Variants in ITGA6 observed in about 807,000 individuals in gnomAD.
ITGA6 encodes the protein integrin subunit alpha 6, also known as integrin alpha-6.
In ITGA6, 63 loss-of-function variants were observed where a neutral mutation model predicts 133.6. The observed-to-expected ratio is 0.47, with a 90% CI of 0.38 to 0.58. The LOEUF (loss-of-function observed/expected upper bound fraction) is 0.58. ITGA6 is among the 20% of genes least tolerant of loss of function. ITGA6 has a pLI of 0.00. For synonymous variants in ITGA6, 434 were observed against 482.0 expected (o/e 0.90, Z 1.30); for missense variants, 1,068 against 1,309.4 (o/e 0.82, Z 2.85).
rs1177750241 is a variant in ITGA6 at position 172,505,304 on chromosome 2, T to A, written c.*1236T>A. On this transcript the variant is annotated 3_prime_UTR_variant, in exon 26 of 26. Coordinates refer to ENST00000684293, the MANE Select transcript of ITGA6 (RefSeq NM_000210.4). Reference sequence around the variant, plus strand: ...AACTCTAGTGCGGTTTACTCACTGCTGCAAATACTGTATATTCAGGACTTG... The same window carrying A: ...AACTCTAGTGCGGTTTACTCACTGCAGCAAATACTGTATATTCAGGACTTG... The A allele has an allele frequency of 1.3e-5, 2 of 152,262 alleles. No homozygotes were observed. The highest frequency in any genetic ancestry group is 4.8e-5 in the African/African-American group (2 of 41,472). 9.4% of individuals were successfully genotyped at this position (152,262 alleles called of 1,614,324 possible).
intron 6 of ITGA6, 53 bp downstream of exon 6, chr2:172,474,318 C>A: frequency 6.7e-7 from 1 of 1,486,084 alleles, no homozygotes; most frequent in African/African-American, 1.4e-5. Flanking sequence ...CTTTGACTAG[C>A]TTCTATACGA....
chr2:172,500,579 A>G (rs955427278), intron 24 of ITGA6, among the ~76,000 whole-genome samples: 6 of 152,182 alleles, frequency 3.9e-5, no homozygotes, highest in African/African-American at 1.4e-4. Context: ...GCAGTGAGCC[A>G]AGATCGTGCC....
chr2:172,437,125 A>G (rs1476937124), intron 1 of ITGA6, among the ~76,000 whole-genome samples: 1 of 152,220 alleles, frequency 6.6e-6, no homozygotes, highest in Non-Finnish European at 1.5e-5. Context: ...CAGATTGTAT[A>G]GGGCCTTATG....
rs751960466 is a variant in ITGA6 at position 172,497,986 on chromosome 2, T to C, written c.3000T>C (p.Thr1000=). The C allele has an allele frequency of 1.0e-4, 164 of 1,613,846 alleles. No individual in the cohort carries two copies. Among genetic ancestry groups the C allele is most frequent in the Non-Finnish European group, 1.3e-4 (158 of 1,179,866 alleles). ...TTTCTGCCCTGTAGGTTCGAGTGACTGTGTTTCCCTCAAAGACTGTAGCTC... is the reference window on the plus strand; with the variant it reads ...TTTCTGCCCTGTAGGTTCGAGTGACCGTGTTTCCCTCAAAGACTGTAGCTC... ...LPNAGTQVRV[T]VFPSKTVAQY... is the part of the protein sequence containing the mutation. Residue 1000 remains threonine (T), a synonymous_variant, in exon 24 of 26, where the codon ACT becomes ACC. Transcript: ENST00000684293.
chr2:172,487,429 A>G lies in ITGA6; in HGVS notation c.2136A>G (p.Ala712=), dbSNP rs2293648. ...TTCCAGACACTTTAACCTATTCTGC[A>G]TATAGAGAACTGAGGGCTTTCCCTG... is the stretch of plus-strand genomic sequence containing the variant. ...ATFPDTLTYS[A]YRELRAFPEK... The change falls in exon 15 of 26, where the codon GCA becomes GCG. Residue 712 remains alanine (A), a synonymous_variant. Coordinates refer to ENST00000684293, the MANE Select transcript of ITGA6 (RefSeq NM_000210.4). 20 of 1,613,984 alleles carry G rather than the reference A, an allele frequency of 1.2e-5. No homozygotes were observed. The African/African-American group carries it at 2.3e-4, about 18-fold the overall frequency.
intron 1 of ITGA6, among the ~76,000 whole-genome samples, chr2:172,453,710 C>G (rs761926067): frequency 7.9e-5 from 12 of 152,200 alleles, no homozygotes; most frequent in Non-Finnish European, 1.6e-4. Context: ...TTTCTTCCAC[C>G]TTTAGAGGAT....
At chr2:172,457,369 G>A (rs1215072681) in intron 1 of ITGA6, among the ~76,000 whole-genome samples, 1 of 150,678 alleles carries the variant, frequency 6.6e-6, no homozygotes, top group Non-Finnish European at 1.5e-5. Flanking sequence ...ATTTAGCATC[G>A]TAATTGCAAG....
chr2:172,476,467 C>G lies in ITGA6; in HGVS notation c.1342C>G (p.Pro448Ala). The G allele has an allele frequency of 1.2e-6, 2 of 1,611,760 alleles. No homozygotes were observed. Among genetic ancestry groups the G allele is most frequent in the African/African-American group, 2.7e-5 (2 of 74,892 alleles). Residue 448 changes from proline (P) to alanine (A), a missense_variant, in exon 9 of 26, where the codon CCT becomes GCT. By Grantham distance (27) the Pro-to-Ala change is conservative. This residue lies in a region of ITGA6 where 317 missense variants were observed against 456.9 expected (regional missense o/e 0.69). Coordinates refer to ENST00000684293, the MANE Select transcript of ITGA6 (RefSeq NM_000210.4). ...GNMDLDRNSY[P>A]DVAVGSLSDS... ...CATGGACCTTGATCGAAATTCCTACCCTGATGTTGCTGTTGGTTCCCTCTC... is the reference window on the plus strand; with the variant it reads ...CATGGACCTTGATCGAAATTCCTACGCTGATGTTGCTGTTGGTTCCCTCTC...
chr2:172,478,504 C>T (rs1453220230), intron 9 of ITGA6, among the ~76,000 whole-genome samples: 1 of 152,190 alleles, frequency 6.6e-6, no homozygotes, highest in African/African-American at 2.4e-5. Flanking sequence ...ACTCATACCC[C>T]TCAACCCACC....
Position 172,472,812 on chromosome 2 carries a change from G to GA in ITGA6, c.776-1242dup, listed in dbSNP as rs566695492. Reference sequence around the variant, plus strand: ...GACCAGCGTTTCCTATACAGATCCTGATCAGTTTGTTTATAAAACACGGCC... The same window carrying GA: ...GACCAGCGTTTCCTATACAGATCCTGAATCAGTTTGTTTATAAAACACGGCC... On this transcript the variant is annotated intron_variant, in intron 5 of 25. Coordinates refer to ENST00000684293, the MANE Select transcript of ITGA6 (RefSeq NM_000210.4). 2.0e-4 allele frequency: 317 copies of GA among 1,612,574 alleles called. 4 individuals carry two copies. The East Asian group carries it at 6.5e-3, about 33-fold the overall frequency.
intron 24 of ITGA6, 141 bp from the exon 25 acceptor site, chr2:172,501,631 G>A (rs1687350841): frequency 1.4e-6 from 1 of 706,342 alleles, no homozygotes; most frequent in African/African-American, 1.7e-5. Context: ...CAATGCAGTG[G>A]CTGTTCATTG....
At chr2:172,428,562 A>AAAAG (rs1683972347) in intron 1 of ITGA6, 1 of 143,956 alleles carries the variant, frequency 6.9e-6, no homozygotes, top group Non-Finnish European at 1.5e-5. Context: ...AAAAAAAAAA[A>AAAAG]GATGGGGGTG....
intron 1 of ITGA6, among the ~76,000 whole-genome samples, chr2:172,430,803 TC>T (rs1342313802): frequency 6.6e-6 from 1 of 152,188 alleles, no homozygotes; most frequent in African/African-American, 2.4e-5. Context: ...GCCAAGTTGG[TC>T]CGCCGAGTGA....
intron 1 of ITGA6, among the ~76,000 whole-genome samples, chr2:172,440,552 A>G (rs1385236521): frequency 6.6e-6 from 1 of 152,240 alleles, no homozygotes; most frequent in East Asian, 1.9e-4. Flanking sequence ...TTAACTCAAT[A>G]TATGATTGTG....
At chr2:172,471,489 A>G (rs1385226687) in intron 5 of ITGA6, among the ~76,000 whole-genome samples, 1 of 152,170 alleles carries the variant, frequency 6.6e-6, no homozygotes, top group Non-Finnish European at 1.5e-5. Flanking sequence ...GCCTCCTTCC[A>G]GAGATACTCT....
intron 1 of ITGA6, among the ~76,000 whole-genome samples, chr2:172,430,131 T>C (rs192285824): frequency 6.6e-6 from 1 of 152,332 alleles, no homozygotes; most frequent in East Asian, 1.9e-4. Context: ...TACTTTGAGC[T>C]TTAATTTCTT....
In ITGA6 at chr2:172,484,953, C is replaced by T; in HGVS notation, c.1710+11C>T. 1.2e-6 allele frequency: 2 copies of T among 1,613,318 alleles called. No homozygotes were observed. The highest frequency in any genetic ancestry group is 1.7e-6 in the Non-Finnish European group (2 of 1,179,262). ...ACCCTGTGGCTACAGGTGAGGGCTG[C>T]AGATGGTCACATCTGTTTTATGAAG... On this transcript the variant is annotated intron_variant, in intron 12 of 25. Coordinates refer to ENST00000684293, the MANE Select transcript of ITGA6 (RefSeq NM_000210.4).
chr2:172,445,651 T>TA (rs530504236), intron 1 of ITGA6, among the ~76,000 whole-genome samples: 3,417 of 145,682 alleles, frequency 0.023, 57 homozygotes, highest in South Asian at 0.067. Flanking sequence ...TCCGTCTTTT[T>TA]TAAAAAAAAA....
chr2:172,469,373 C>T lies in ITGA6; in HGVS notation c.636C>T (p.Asn212=), dbSNP rs776882181. Residue 212 remains asparagine, a synonymous_variant, in exon 4 of 26, where the codon AAC becomes AAT. Transcript: ENST00000684293. ...YIVFGAPGTY[N]WKGIVRVEQK... ...TATTTGGAGCCCCGGGTACTTATAA[C>T]TGGAAAGGTATGACCTTTGTATTTA... 1.9e-6 allele frequency: 3 copies of T among 1,613,462 alleles called. No homozygotes were observed. The highest frequency in any genetic ancestry group is 1.7e-5 in the Admixed American group (1 of 59,998).
Sources: gnomAD v4.1 joint callset for allele counts (sites outside exome capture counted in the v4.1 genomes callset) on GRCh38, gnomAD v4.1.1 for gene constraint, gnomAD v4.1.1 regional missense constraint, MANE v1.5 for transcripts, NCBI Gene and HGNC (gene_info 2026-07-23, HGNC 2026-07-21) for gene names.